ALOX12B: variants seen among roughly 807,000 people sequenced by gnomAD.
The protein encoded by ALOX12B is arachidonate 12-lipoxygenase, 12R type.
Under a neutral mutation model 78.9 loss-of-function variants are expected in ALOX12B, and 47 were observed. That is an observed-to-expected ratio of 0.60 (90% confidence interval 0.47 to 0.76). The LOEUF (loss-of-function observed/expected upper bound fraction) is 0.76, where lower values mean the gene tolerates loss of function less well. Ranked by LOEUF, ALOX12B falls within the 30% of genes least tolerant of loss-of-function variation. ALOX12B has a pLI of 0.00. For synonymous variants in ALOX12B, 370 were observed against 374.5 expected (o/e 0.99, Z 0.14); for missense variants, 805 against 922.6 (o/e 0.87, Z 1.65).
Position 8,079,617 on chromosome 17 carries a change from G to A in ALOX12B, c.928-78C>T, listed in dbSNP as rs772999921. ...GACCCGCGCCGCAGGTGCACAGGGC[G>A]CTGGCGACTAGGGGCAGGGGTGGGA... is the stretch of plus-strand genomic sequence containing the variant. On this transcript the variant is annotated intron_variant, in intron 7 of 14. Transcript: ENST00000647874. This position sits in a 1 kb window ranked among gnomAD's most constrained non-coding sequence, Gnocchi z 6.4. 1 of 1,539,088 alleles carries A rather than the reference G, an allele frequency of 6.5e-7. No homozygotes were observed.
intron 8 of ALOX12B, among the ~76,000 whole-genome samples, chr17:8,077,407 C>G (rs1382335512): frequency 6.6e-6 from 1 of 152,196 alleles, no homozygotes; most frequent in African/African-American, 2.4e-5. Flanking sequence ...TCCTCTTGCC[C>G]CTGTCTCTAC....
intron 2 of ALOX12B, chr17:8,081,427 GTCCC>G: frequency 1.7e-6 from 1 of 603,220 alleles, no homozygotes; most frequent in Non-Finnish European, 3.0e-6. Context: ...GCTGCAAAAA[GTCCC>G]TCCTCTAGAC....
chr17:8,087,677 C>G lies in ALOX12B; in HGVS notation c.-235G>C, dbSNP rs1226496339. The G allele has an allele frequency of 1.6e-6, 1 of 626,582 alleles. No individual in the cohort carries two copies. Among genetic ancestry groups the G allele is most frequent in the Non-Finnish European group, 2.8e-6 (1 of 362,088 alleles). 38.8% of individuals were successfully genotyped at this position (626,582 alleles called of 1,614,324 possible). A position where few individuals can be genotyped will look rare whatever the true frequency, so the allele number is the denominator to read the frequency against. On this transcript the variant is annotated 5_prime_UTR_variant, in exon 1 of 15. Coordinates refer to ENST00000647874, the MANE Select transcript of ALOX12B (RefSeq NM_001139.3). The stretch of plus-strand genomic sequence containing the variant: ...CCGGGCAGGCCCAGGCGGAGCCCAG[C>G]TGGTGGTGAGTGAGCAGGTGTCTGG...
rs756831752 is a variant in ALOX12B at position 8,080,649 on chromosome 17, C to A, written c.650+9G>T. 27 of 1,614,066 alleles carry A rather than the reference C, an allele frequency of 1.7e-5. No homozygotes were observed. The highest frequency in any genetic ancestry group is 2.3e-5 in the Non-Finnish European group (27 of 1,180,008). On this transcript the variant is annotated intron_variant, in intron 5 of 14. Transcript: ENST00000647874. This position sits in a 1 kb window ranked among gnomAD's most constrained non-coding sequence, Gnocchi z 4.8. The stretch of plus-strand genomic sequence containing the variant: ...AGCCCTCGTTCTCCCGTCACTCACA[C>A]GGACTCACATGGGCCCCAGGCGGAC...
At chr17:8,082,234 G>A (rs1388774766) in intron 2 of ALOX12B, among the ~76,000 whole-genome samples, 1 of 152,098 alleles carries the variant, frequency 6.6e-6, no homozygotes, top group African/African-American at 2.4e-5. Flanking sequence ...TTTCCTTTGG[G>A]TATATACCAC....
Position 8,081,202 on chromosome 17 carries a change from A to C in ALOX12B, c.353-15T>G. The C allele has an allele frequency of 6.2e-7, 1 of 1,613,190 alleles. No homozygotes were observed. The highest frequency in any genetic ancestry group is 8.5e-7 in the Non-Finnish European group (1 of 1,179,260). On this transcript the variant is annotated splice_polypyrimidine_tract_variant and intron_variant, in intron 2 of 14. Coordinates refer to ENST00000647874, the MANE Select transcript of ALOX12B (RefSeq NM_001139.3). The stretch of plus-strand genomic sequence containing the variant: ...TGTTGTCTTTCCTGTAGGGAGACCA[A>C]GGAGAGGACTCAAGGGCTGACCCTT...
intron 2 of ALOX12B, among the ~76,000 whole-genome samples, chr17:8,081,815 G>A (rs1206791901): frequency 6.6e-6 from 1 of 152,074 alleles, no homozygotes; most frequent in Non-Finnish European, 1.5e-5. Flanking sequence ...GCTACTTTTT[G>A]TATTTTTAGT....
Position 8,080,732 on chromosome 17 carries a change from G to A in ALOX12B, c.576C>T (p.Ala192=). 1 of 1,614,186 alleles carries A rather than the reference G, an allele frequency of 6.2e-7. No homozygotes were observed. Among genetic ancestry groups the A allele is most frequent in the African/African-American group, 1.3e-5 (1 of 75,040 alleles). ...GGAGATTTAAGTTCAGGAACTTGGT[G>A]GCCTTAAAGTTGATGAGAATTGGGA... ...PGFPILINFK[A]TKFLNLNLRY... The change falls in exon 5 of 15, where the codon GCC becomes GCT. Residue 192 remains alanine, a synonymous_variant. Transcript: ENST00000647874. The surrounding 1 kb of genome is among the most constrained non-coding windows in gnomAD (Gnocchi z 4.8).
chr17:8,072,804 G>A lies in ALOX12B; in HGVS notation c.2073C>T (p.Asp691=). The A allele has an allele frequency of 6.2e-7, 1 of 1,614,246 alleles. No individual in the cohort carries two copies. The highest frequency in any genetic ancestry group is 8.5e-7 in the Non-Finnish European group (1 of 1,180,052). ...AAATGCTGTTCTCAATCAGCACCGG[G>A]TCCAGGTAGTAGTAGGGGATGGGAA... ...KCLPIPYYYL[D]PVLIENSISI is the part of the protein sequence containing the mutation. The change falls in exon 15 of 15, where the codon GAC becomes GAT. Residue 691 remains aspartate, a synonymous_variant. Coordinates refer to ENST00000647874, the MANE Select transcript of ALOX12B (RefSeq NM_001139.3).
At position 8,079,347 on chromosome 17, in the gene ALOX12B, A is replaced by G. The variant is rs763095589; in HGVS notation, c.1071+49T>C. 5.9e-5 allele frequency: 91 copies of G among 1,548,024 alleles called. No homozygotes were observed. Among genetic ancestry groups the G allele is most frequent in the Non-Finnish European group, 7.8e-5 (89 of 1,146,272 alleles). On this transcript the variant is annotated intron_variant, in intron 8 of 14. Transcript: ENST00000647874. The surrounding 1 kb of genome is among the most constrained non-coding windows in gnomAD (Gnocchi z 6.4). Reference sequence around the variant, plus strand: ...TAAGCGCGCGCACACTCGGAGGAGCATTCGCGCACACAGAGGCTCAGCGGC... The same window carrying G: ...TAAGCGCGCGCACACTCGGAGGAGCGTTCGCGCACACAGAGGCTCAGCGGC...
intron 12 of ALOX12B, 26 bp from the exon 13 acceptor site, chr17:8,073,783 C>CTTCACCACCTGTCTTTTTCCCTTTT: frequency 6.3e-7 from 1 of 1,589,174 alleles, no homozygotes; most frequent in Non-Finnish European, 8.6e-7. Flanking sequence ...AAAGCCCAGG[C>CTTCACCACCTGTCTTTTTCCCTTTT]GACATCAGTC....
chr17:8,073,037 T>G lies in ALOX12B; in HGVS notation c.1927-87A>C. The G allele has an allele frequency of 1.9e-6, 3 of 1,597,756 alleles. No homozygotes were observed. The South Asian group carries it at 3.3e-5, about 18-fold the overall frequency. Reference sequence around the variant, plus strand: ...TGGCCCTGGCCCCTCCACCCTTTGGTTTCAGTGGCCTCTCACTCCCTGCTC... The same window carrying G: ...TGGCCCTGGCCCCTCCACCCTTTGGGTTCAGTGGCCTCTCACTCCCTGCTC... On this transcript the variant is annotated intron_variant, in intron 14 of 14. Transcript: ENST00000647874.
At position 8,087,401 on chromosome 17, in the gene ALOX12B, G is replaced by C; in HGVS notation, c.42C>G (p.Leu14=). ...YKVRVATGTD[L]LSGTRDSISL... Reference sequence around the variant, plus strand: ...AGATGGAGTCCCGTGTTCCCGACAAGAGGTCGGTGCCTGTGGCCACCCTGA... The same window carrying C: ...AGATGGAGTCCCGTGTTCCCGACAACAGGTCGGTGCCTGTGGCCACCCTGA... Residue 14 remains leucine (L), a synonymous_variant, in exon 1 of 15, where the codon CTC becomes CTG. Transcript: ENST00000647874. 1 of 1,614,224 alleles carries C rather than the reference G, an allele frequency of 6.2e-7. No individual in the cohort carries two copies.
chr17:8,080,423 T>G lies in ALOX12B; in HGVS notation c.651-85A>C. 6.7e-7 allele frequency: 1 copy of G among 1,497,012 alleles called. No individual in the cohort carries two copies. Among genetic ancestry groups the G allele is most frequent in the Non-Finnish European group, 9.3e-7 (1 of 1,074,432 alleles). The allele number at this position is 1,497,012 out of a possible 1,614,324, so 92.7% of individuals were successfully genotyped here. On this transcript the variant is annotated intron_variant, in intron 5 of 14. Transcript: ENST00000647874. The surrounding 1 kb of genome is among the most constrained non-coding windows in gnomAD (Gnocchi z 4.8). The stretch of plus-strand genomic sequence containing the variant: ...AGGTGGCGGGGCCGCCCCATCCACT[T>G]AGGTCTCTGGGTCTCAGGGTCTGTG...
At chr17:8,074,848 A>G in intron 12 of ALOX12B, among the ~76,000 whole-genome samples, 1 of 152,112 alleles carries the variant, frequency 6.6e-6, no homozygotes, top group East Asian at 1.9e-4. Flanking sequence ...TCGACTTTCC[A>G]CATACTGCTC....
In ALOX12B at chr17:8,075,671, G is replaced by A. The variant is rs200507128; in HGVS notation, c.1578C>T (p.Ala526=). 289 of 1,614,124 alleles carry A rather than the reference G, an allele frequency of 1.8e-4. No individual in the cohort carries two copies. In the South Asian group the frequency reaches 2.5e-3, roughly 14 times the overall value. ...IITYYYPSDA[A]VEGDPELQSW... is the part of the protein sequence containing the mutation. The stretch of plus-strand genomic sequence containing the variant: ...ACTGCAATTCCGGATCACCCTCCAC[G>A]GCTGCGTCACTCGGGTAATAATAGG... The change falls in exon 12 of 15, where the codon GCC becomes GCT. Residue 526 remains alanine, a synonymous_variant. Coordinates refer to ENST00000647874, the MANE Select transcript of ALOX12B (RefSeq NM_001139.3).
rs141276785 is a variant in ALOX12B, at chr17:8,074,864, C to T, written c.1654+731G>A. The stretch of plus-strand genomic sequence containing the variant: ...CGACTTTCCACATACTGCTCCCATG[C>T]GGAACTCTCCGTCCCCATCCTCAGT... On this transcript the variant is annotated intron_variant, in intron 12 of 14. Coordinates refer to ENST00000647874, the MANE Select transcript of ALOX12B (RefSeq NM_001139.3). Among the ~76,000 whole-genome samples the T allele has an allele frequency of 3.2e-3, 491 of 152,328 alleles. 2 individuals carry two copies. Among genetic ancestry groups the T allele is most frequent in the Non-Finnish European group, 4.7e-3 (322 of 68,018 alleles).
In ALOX12B at chr17:8,079,541, T is replaced by C. The variant is rs1567982673; in HGVS notation, c.928-2A>G. The C allele has an allele frequency of 6.5e-7, 1 of 1,550,042 alleles. No individual in the cohort carries two copies. The highest frequency in any genetic ancestry group is 8.7e-7 in the Non-Finnish European group (1 of 1,146,710). On this transcript the variant is annotated splice_acceptor_variant, in intron 7 of 14. Transcript: ENST00000647874. LOFTEE classifies it high-confidence loss of function. The surrounding 1 kb of genome is among the most constrained non-coding windows in gnomAD (Gnocchi z 6.4). ...GTCGGCCAGGTAAATGTTCCCCTTCTGGAGGGGAGCCGCGATGGGTGGCAA... is the reference window on the plus strand; with the variant it reads ...GTCGGCCAGGTAAATGTTCCCCTTCCGGAGGGGAGCCGCGATGGGTGGCAA...
At position 8,079,679 on chromosome 17, in the gene ALOX12B, C is replaced by CT; in HGVS notation, c.927+89dup. On this transcript the variant is annotated intron_variant, in intron 7 of 14. Coordinates refer to ENST00000647874, the MANE Select transcript of ALOX12B (RefSeq NM_001139.3). The surrounding 1 kb of genome is among the most constrained non-coding windows in gnomAD (Gnocchi z 6.4). ...ACGCGGGGTGCGGGCTTGCCTGGGA[C>CT]TGGCGCGGGCGCCGGAGGTGGGGAG... 1 of 1,545,120 alleles carries CT rather than the reference C, an allele frequency of 6.5e-7. No homozygotes were observed. Among genetic ancestry groups the CT allele is most frequent in the Non-Finnish European group, 8.7e-7 (1 of 1,144,084 alleles).
Sources: gnomAD v4.1 joint callset for allele counts (sites outside exome capture counted in the v4.1 genomes callset) on GRCh38, gnomAD v4.1.1 for gene constraint, Gnocchi (gnomAD v3.1) non-coding constraint, MANE v1.5 for transcripts, NCBI Gene and HGNC (gene_info 2026-07-23, HGNC 2026-07-21) for gene names.